The following IQSEC1 variants were observed in gnomAD, a reference collection of about 807,000 sequenced individuals.
IQSEC1 encodes the protein IQ motif and SEC7 domain-containing protein 1.
In IQSEC1, 31 loss-of-function variants were observed where a neutral mutation model predicts 91.0. That is an observed-to-expected ratio of 0.34 (90% CI 0.26 to 0.46). IQSEC1 has a LOEUF of 0.46. IQSEC1 is among the 20% of genes least tolerant of loss of function. The pLI, the probability that IQSEC1 is intolerant of heterozygous loss-of-function variation, is 1.00. For missense variants in IQSEC1, 1,388 were observed against 1,575.6 expected, an observed-to-expected ratio of 0.88 and a Z score of 2.02; for synonymous variants, 699 against 662.6, an observed-to-expected ratio of 1.05 and a Z score of -0.84.
In IQSEC1 at chr3:12,909,320, C is replaced by T. The variant is rs769774476; in HGVS notation, c.2531G>A (p.Arg844Gln). 17 of 1,614,202 alleles carry T rather than the reference C, an allele frequency of 1.1e-5. No individual in the cohort carries two copies. The highest frequency in any genetic ancestry group is 2.2e-5 in the South Asian group (2 of 91,082). The change falls in exon 11 of 14, where the codon CGG becomes CAG. Residue 844 changes from arginine to glutamine, a missense_variant. Around this residue, in one of 2 missense-constraint regions of IQSEC1, gnomAD observed 1,059 missense variants for 1,317.8 expected, o/e 0.80. Transcript: ENST00000613206. This position sits in a 1 kb window ranked among gnomAD's most constrained non-coding sequence, Gnocchi z 4.9. ...QDRKKFTDDL[R>Q]ESIAEVQEME... is the part of the protein sequence containing the mutation. ...CTCTTGGACTTCCGCAATGGACTCC[C>T]GCAGGTCATCGGTGAATTTCTTCCG...
chr3:13,105,464 C>A (rs1317461277), intron 2 of IQSEC1, among the ~76,000 whole-genome samples: 1 of 152,168 alleles, frequency 6.6e-6, no homozygotes, highest in African/African-American at 2.4e-5. Context: ...AGGGACAGAA[C>A]CTCTGGCTTT....
intron 1 of IQSEC1, among the ~76,000 whole-genome samples, chr3:13,180,710 C>A (rs1022059604): frequency 2.6e-4 from 37 of 144,714 alleles, no homozygotes; most frequent in African/African-American, 1.0e-3. Context: ...CTGAAGCCAG[C>A]GAGCTCACGA....
intron 1 of IQSEC1, among the ~76,000 whole-genome samples, chr3:13,245,765 T>TTAAA (rs1559285414): frequency 9.4e-6 from 1 of 106,564 alleles, no homozygotes; most frequent in African/African-American, 6.0e-5. Context: ...AGACCCTGTT[T>TTAAA]CAAAAAAAAA....
chr3:13,215,706 C>T (rs942584223), intron 1 of IQSEC1, among the ~76,000 whole-genome samples: 16 of 152,210 alleles, frequency 1.1e-4, no homozygotes, highest in African/African-American at 3.9e-4. Flanking sequence ...TGCACTCCAC[C>T]CCTGGCACGG....
chr3:12,936,057 A>G lies in IQSEC1; in HGVS notation c.959T>C (p.Leu320Pro), dbSNP rs776736809. The change falls in exon 3 of 14, where the codon CTA becomes CCA. Residue 320 changes from leucine to proline, a missense_variant. Transcript: ENST00000613206. ...GTCTGGGGCTGCGCCCCCAGCCCGTAGCCGCAGGTCCGACTCGGTGCTGGA... is the reference window on the plus strand; with the variant it reads ...GTCTGGGGCTGCGCCCCCAGCCCGTGGCCGCAGGTCCGACTCGGTGCTGGA... ...RPSSTESDLR[L>P]RAGGAAPDYW... The G allele has an allele frequency of 6.2e-7, 1 of 1,606,264 alleles. No homozygotes were observed. Among genetic ancestry groups the G allele is most frequent in the East Asian group, 2.2e-5 (1 of 44,844 alleles).
At chr3:13,202,450 T>C (rs1047607499) in intron 1 of IQSEC1, among the ~76,000 whole-genome samples, 4 of 152,134 alleles carry the variant, frequency 2.6e-5, no homozygotes, top group African/African-American at 7.2e-5. Context: ...CACCCATCCT[T>C]ATAGTCAGCC....
At chr3:12,934,231 T>C (rs1575960324) in intron 3 of IQSEC1, among the ~76,000 whole-genome samples, 1 of 152,216 alleles carries the variant, frequency 6.6e-6, no homozygotes, top group Admixed American at 6.5e-5. Flanking sequence ...TCCTGGTAGA[T>C]GTGAGATGTC....
intron 2 of IQSEC1, among the ~76,000 whole-genome samples, chr3:13,127,140 C>A (rs1411126750): frequency 6.6e-6 from 1 of 152,016 alleles, no homozygotes; most frequent in Non-Finnish European, 1.5e-5. Flanking sequence ...CGGCTGGGGG[C>A]GGTGGCTCAC....
intron 1 of IQSEC1, among the ~76,000 whole-genome samples, chr3:13,021,314 C>T (rs1703387819): frequency 6.6e-6 from 1 of 152,168 alleles, no homozygotes; most frequent in African/African-American, 2.4e-5. Context: ...GAGCTCTGCT[C>T]CACCCTTTCA....
At chr3:13,244,467 G>A (rs562712104) in intron 1 of IQSEC1, among the ~76,000 whole-genome samples, 5 of 152,286 alleles carry the variant, frequency 3.3e-5, no homozygotes, top group East Asian at 1.9e-4. Flanking sequence ...CCATTCAAAC[G>A]TAGGATCCTG....
chr3:12,988,226 T>C lies in IQSEC1; in HGVS notation c.24-46361A>G, dbSNP rs113300193. Among the ~76,000 whole-genome samples, 345 of 152,230 alleles carry C rather than the reference T, an allele frequency of 2.3e-3. 2 individuals carry two copies. The highest frequency in any genetic ancestry group is 8.0e-3 in the African/African-American group (332 of 41,544). Reference sequence around the variant, plus strand: ...GTCAGGAGTTTGAGACTAGCTTGGCTAACATGGCAAAACCCCATCTCTACT... The same window carrying C: ...GTCAGGAGTTTGAGACTAGCTTGGCCAACATGGCAAAACCCCATCTCTACT... On this transcript the variant is annotated intron_variant, in intron 1 of 13. Transcript: ENST00000613206.
At chr3:13,060,855 C>A (rs941098218) in intron 1 of IQSEC1, among the ~76,000 whole-genome samples, 1 of 152,212 alleles carries the variant, frequency 6.6e-6, no homozygotes, top group Non-Finnish European at 1.5e-5. Flanking sequence ...CAGGGCTACG[C>A]CCAGGCCCCA....
intron 1 of IQSEC1, among the ~76,000 whole-genome samples, chr3:13,026,328 T>A (rs776442617): frequency 6.6e-5 from 10 of 152,186 alleles, no homozygotes; most frequent in Non-Finnish European, 1.2e-4. Flanking sequence ...CATCCCACCC[T>A]GCACACAGCC....
In IQSEC1 at chr3:13,199,564, G is replaced by C. The variant is rs113044451; in HGVS notation, c.273-35431C>G. Reference sequence around the variant, plus strand: ...ACTCCCCACTTGCTGTGCTGTGGTCGCCCCTCCGCTCCTTCCCACCGACCA... The same window carrying C: ...ACTCCCCACTTGCTGTGCTGTGGTCCCCCCTCCGCTCCTTCCCACCGACCA... On this transcript the variant is annotated intron_variant, in intron 1 of 15. Coordinates refer to the IQSEC1 transcript ENST00000648114. 6.9e-3 allele frequency among the ~76,000 whole-genome samples: 1,055 copies of C among 152,224 alleles called. 11 individuals carry two copies. Among genetic ancestry groups the C allele is most frequent in the African/African-American group, 0.024 (993 of 41,518 alleles).
intron 6 of IQSEC1, among the ~76,000 whole-genome samples, chr3:12,916,134 G>A (rs1047252396): frequency 3.8e-4 from 58 of 152,170 alleles, no homozygotes; most frequent in African/African-American, 1.4e-3. Context: ...TTTGGGCTCC[G>A]ATGGACCTGG....
intron 1 of IQSEC1, among the ~76,000 whole-genome samples, chr3:13,174,137 G>A (rs1693672338): frequency 6.6e-6 from 1 of 152,170 alleles, no homozygotes; most frequent in African/African-American, 2.4e-5. Flanking sequence ...GGCAGGTGGC[G>A]CCCAGCCTCA....
At chr3:12,904,606 T>C (rs1408210657) in intron 12 of IQSEC1, among the ~76,000 whole-genome samples, 1 of 152,106 alleles carries the variant, frequency 6.6e-6, no homozygotes, top group African/African-American at 2.4e-5. Flanking sequence ...ACCCCCCTCT[T>C]GGGTGGCCAC....
In IQSEC1 at chr3:13,113,012, G is replaced by A. The variant is rs367658828; in HGVS notation, c.302+51092C>T. 8.5e-4 allele frequency among the ~76,000 whole-genome samples: 130 copies of A among 152,360 alleles called. 1 individual carries two copies. The highest frequency in any genetic ancestry group is 1.3e-3 in the Non-Finnish European group (88 of 68,034). ...AAACTCACTGTGAGCATCAGTCACC[G>A]GGTCGCAAGCAGACACGCCTAGAGC... On this transcript the variant is annotated intron_variant, in intron 2 of 15. Transcript: ENST00000648114.
chr3:12,966,753 C>T (rs1700598118), intron 1 of IQSEC1, among the ~76,000 whole-genome samples: 2 of 152,282 alleles, frequency 1.3e-5, no homozygotes, highest in South Asian at 2.1e-4. Flanking sequence ...CCCAAGTGGC[C>T]CTGCCAGGGG....
Sources: allele counts gnomAD v4.1 joint callset (sites outside exome capture counted in the v4.1 genomes callset), GRCh38; gene constraint gnomAD v4.1.1; regional missense constraint gnomAD v4.1.1; non-coding constraint Gnocchi (gnomAD v3.1); transcripts MANE v1.5; gene names NCBI Gene and HGNC (gene_info 2026-07-23, HGNC 2026-07-21).